Variants in GAB3 observed in about 807,000 individuals in gnomAD.
GAB3 encodes the protein GRB2-associated-binding protein 3.
GAB3 carries 12 observed loss-of-function variants against 40.4 expected under a neutral mutation model. The ratio of observed to expected loss-of-function variants is 0.30; its 90% CI spans 0.19 to 0.48. GAB3 has a LOEUF of 0.48. Ranked by LOEUF, GAB3 falls within the 20% of genes least tolerant of loss-of-function variation. GAB3 has a pLI of 0.99. For synonymous variants in GAB3, 154 were observed against 176.7 expected (o/e 0.87, Z 1.02); for missense variants, 381 against 461.9 (o/e 0.82, Z 1.61).
At chrX:154,719,690 T>C (rs1386983285) in intron 1 of GAB3, among the ~76,000 whole-genome samples, 1 of 112,058 alleles carries the variant, frequency 8.9e-6, no homozygotes, top group Non-Finnish European at 1.9e-5. Context: ...AGAGTTTTGA[T>C]TATGCAAAAA....
intron 1 of GAB3, among the ~76,000 whole-genome samples, chrX:154,742,242 C>T (rs2071452677): frequency 8.9e-6 from 1 of 111,959 alleles, no homozygotes; most frequent in African/African-American, 3.3e-5. Context: ...TTGTGGAATG[C>T]CATTAAAGCA....
intron 4 of GAB3, among the ~76,000 whole-genome samples, chrX:154,710,493 ACATACATGGG>A (rs1389835893): frequency 1.8e-5 from 2 of 111,806 alleles, no homozygotes; most frequent in African/African-American, 6.5e-5. Flanking sequence ...TCAGACCCTC[ACATACATGGG>A]CACTTCATCT....
intron 1 of GAB3, among the ~76,000 whole-genome samples, chrX:154,725,453 A>G (rs1315482779): frequency 1.8e-5 from 2 of 111,038 alleles, no homozygotes; most frequent in East Asian, 5.6e-4. Context: ...GCCTCTATAA[A>G]AAGGAAAGCA....
intron 8 of GAB3, among the ~76,000 whole-genome samples, chrX:154,689,746 A>G (rs2070522289): frequency 9.1e-6 from 1 of 109,756 alleles, no homozygotes; most frequent in Non-Finnish European, 1.9e-5. Context: ...ACTACAAACC[A>G]CTGCTCAAGG....
chrX:154,680,691 T>A (rs782589384), intron 8 of GAB3, among the ~76,000 whole-genome samples: 8 of 112,344 alleles, frequency 7.1e-5, no homozygotes, highest in African/African-American at 1.9e-4. Flanking sequence ...TACCAATCCA[T>A]ATCTTTGAAG....
At chrX:154,687,583 G>A (rs782553630) in intron 8 of GAB3, among the ~76,000 whole-genome samples, 1 of 98,515 alleles carries the variant, frequency 1.0e-5, no homozygotes, top group African/African-American at 3.8e-5. Context: ...GCAGTGAGCC[G>A]AGATGGCGCC....
At chrX:154,709,455 G>A (rs1461077077) in intron 4 of GAB3, among the ~76,000 whole-genome samples, 6 of 108,682 alleles carry the variant, frequency 5.5e-5, no homozygotes, top group Non-Finnish European at 1.1e-4. Context: ...CGAGTAGCTG[G>A]GACCACAGGC....
chrX:154,708,691 A>G (rs1449224704), intron 4 of GAB3, among the ~76,000 whole-genome samples: 5 of 112,182 alleles, frequency 4.5e-5, no homozygotes, highest in Non-Finnish European at 9.4e-5. Flanking sequence ...GATGGCTAAT[A>G]TCAAAAAAGA....
Position 154,697,204 on chromosome X carries a change from G to A in GAB3, c.1355C>T (p.Pro452Leu), listed in dbSNP as rs781973995. The A allele has an allele frequency of 8.5e-7, 1 of 1,181,617 alleles. No individual in the cohort carries two copies. Among genetic ancestry groups the A allele is most frequent in the East Asian group, 3.0e-5 (1 of 33,036 alleles). ...CGAGAGGTTTCTCAGGTCCAGAGGA[G>A]GTGGCCGTGCTACAAGACAGTGTGC... ...DLKPQRKSRP[P>L]PLDLRNLSII... The change falls in exon 7 of 10, where the codon CCT (proline) becomes CTT (leucine). Residue 452 changes from proline (P) to leucine (L), a missense_variant. By Grantham distance (98) the Pro-to-Leu change is moderately conservative. Transcript: ENST00000424127.
chrX:154,750,327 C>T (rs1442209457), intron 1 of GAB3, among the ~76,000 whole-genome samples: 2 of 112,343 alleles, frequency 1.8e-5, no homozygotes, highest in African/African-American at 3.2e-5. Flanking sequence ...ATTCGCTCTT[C>T]CAAGTATTCC....
chrX:154,710,072 A>G (rs1428517355), intron 4 of GAB3, among the ~76,000 whole-genome samples: 2 of 112,069 alleles, frequency 1.8e-5, no homozygotes, highest in South Asian at 7.7e-4. Flanking sequence ...ATCAGTACAT[A>G]ATGCATATGC....
chrX:154,711,127 C>T (rs922466090), intron 4 of GAB3, among the ~76,000 whole-genome samples: 9 of 111,819 alleles, frequency 8.0e-5, no homozygotes, highest in Non-Finnish European at 1.3e-4. Flanking sequence ...ATGAGAGATT[C>T]GTACAATTTG....
chrX:154,745,615 T>TA (rs782553587), intron 1 of GAB3, among the ~76,000 whole-genome samples: 14 of 111,728 alleles, frequency 1.3e-4, no homozygotes, highest in South Asian at 7.3e-4. Context: ...TACAGGCATT[T>TA]AAAGGATAAT....
intron 8 of GAB3, among the ~76,000 whole-genome samples, chrX:154,687,207 A>G (rs2070465597): frequency 9.0e-6 from 1 of 110,907 alleles, no homozygotes; most frequent in Admixed American, 9.6e-5. Context: ...AAAGAAAAAA[A>G]CAAAACAAAA....
chrX:154,710,934 G>A (rs2070934142), intron 4 of GAB3, among the ~76,000 whole-genome samples: 1 of 112,038 alleles, frequency 8.9e-6, no homozygotes, highest in South Asian at 3.7e-4. Flanking sequence ...CCTAAAATCT[G>A]CTTAACCACT....
At chrX:154,686,278 A>T (rs991831364) in intron 8 of GAB3, among the ~76,000 whole-genome samples, 1 of 109,920 alleles carries the variant, frequency 9.1e-6, no homozygotes, top group Non-Finnish European at 1.9e-5. Context: ...ATACACCATG[A>T]CCAAATGGGG....
intron 8 of GAB3, among the ~76,000 whole-genome samples, chrX:154,686,156 C>A (rs1021751376): frequency 9.0e-6 from 1 of 111,552 alleles, no homozygotes; most frequent in Non-Finnish European, 1.9e-5. Context: ...AATACCAAAA[C>A]CACACAAAGA....
chrX:154,723,671 G>A (rs886722624), intron 1 of GAB3, among the ~76,000 whole-genome samples: 7 of 111,668 alleles, frequency 6.3e-5, no homozygotes, highest in Non-Finnish European at 1.9e-5. Flanking sequence ...GGTAGGTCAT[G>A]AGCAGCTTGG....
chrX:154,745,416 T>G (rs1603428341), intron 1 of GAB3, among the ~76,000 whole-genome samples: 2 of 109,842 alleles, frequency 1.8e-5, no homozygotes, highest in African/African-American at 3.3e-5. Flanking sequence ...TTAAGTTTCC[T>G]CCCTAAGGAA....
Sources: gnomAD v4.1 joint callset for allele counts (sites outside exome capture counted in the v4.1 genomes callset) on GRCh38, gnomAD v4.1.1 for gene constraint, MANE v1.5 for transcripts, NCBI Gene and HGNC (gene_info 2026-07-23, HGNC 2026-07-21) for gene names.